NOL8: variants seen among roughly 807,000 people sequenced by gnomAD.
The protein encoded by NOL8 is nucleolar protein 8.
A neutral mutation model predicts 116.1 loss-of-function variants in NOL8; 93 were observed. That is an observed-to-expected ratio of 0.80 (90% CI 0.68 to 0.95). NOL8 has a LOEUF of 0.95. Ranked by LOEUF, NOL8 falls within the 40% of genes least tolerant of loss-of-function variation. The pLI is 0.00. For synonymous variants in NOL8, 419 were observed against 469.0 expected (o/e 0.89, Z 1.38); for missense variants, 1,291 against 1,382.8 (o/e 0.93, Z 1.05).
Position 92,301,776 on chromosome 9 carries a change from C to CA in NOL8, c.2949dup (p.Glu984Ter), listed in dbSNP as rs1405126906. The stretch of plus-strand genomic sequence containing the variant: ...TTATAATACATTTCTTTAGACACCT[C>CA]AGGTAGTTTCTCAGCTTCCTCCCTT... On this transcript the variant is annotated frameshift_variant, in exon 13 of 17. Coordinates refer to ENST00000442668, the MANE Select transcript of NOL8 (RefSeq NM_017948.6). LOFTEE classifies it high-confidence loss of function. The CA allele has an allele frequency of 1.9e-6, 3 of 1,601,194 alleles. No individual in the cohort carries two copies. The African/African-American group carries it at 4.0e-5, about 21-fold the overall frequency.
chr9:92,315,230 T>C lies in NOL8; in HGVS notation c.1395A>G (p.Leu465=), dbSNP rs1839265141. 2.5e-6 allele frequency: 4 copies of C among 1,613,910 alleles called. No homozygotes were observed. In the African/African-American group the frequency reaches 4.0e-5, roughly 16 times the overall value. The part of the protein sequence containing the change: ...SSEDADSASE[L]ADSEGGEEYN... ...ACTCCTCACCTCCTTCAGAGTCAGC[T>C]AATTCTGATGCAGAATCAGCATCTT... Residue 465 remains leucine, a synonymous_variant, in exon 7 of 17, where the codon TTA becomes TTG. Coordinates refer to ENST00000442668, the MANE Select transcript of NOL8 (RefSeq NM_017948.6).
chr9:92,299,763 ATAAAAT>A, intron 14 of NOL8, 121 bp downstream of exon 14: 1 of 1,048,512 alleles, frequency 9.5e-7, no homozygotes, highest in Non-Finnish European at 1.4e-6. Context: ...AAAAAAAAAA[ATAAAAT>A]AAAAAAAGAA....
rs763526930 is a variant in NOL8 at position 92,314,278 on chromosome 9, G to C, written c.2347C>G (p.Leu783Val). ...EVQKKLVHNA[L>V]ANLDGHPEDK... is the part of the protein sequence containing the mutation. The stretch of plus-strand genomic sequence containing the variant: ...GAAAATATACTCACCAAATTTGCCA[G>C]AGCATTATGCACCAGCTTCTTCTGC... The change falls in exon 7 of 17, where the codon CTG becomes GTG. Residue 783 changes from leucine (L) to valine (V), a missense_variant. Leu to Val is a conservative substitution (Grantham distance 32). Transcript: ENST00000442668. The C allele has an allele frequency of 1.3e-6, 2 of 1,567,380 alleles. No homozygotes were observed. Among genetic ancestry groups the C allele is most frequent in the Non-Finnish European group, 1.7e-6 (2 of 1,155,978 alleles).
chr9:92,300,459 A>G, intron 13 of NOL8: 1 of 988,296 alleles, frequency 1.0e-6, no homozygotes, highest in Non-Finnish European at 1.2e-6. Context: ...ACTTTTTGCT[A>G]GAACTGCTGG....
rs1393232535 is a variant in NOL8, at chr9:92,319,358, T to C, written c.282-2A>G. On this transcript the variant is annotated splice_acceptor_variant, in intron 4 of 16. Transcript: ENST00000442668. LOFTEE classifies it high-confidence loss of function. ...GCTGCTTCTCTCTCTTGGGCCAATCTGAATCAAAAAGAAAATACAAATAAA... is the reference window on the plus strand; with the variant it reads ...GCTGCTTCTCTCTCTTGGGCCAATCCGAATCAAAAAGAAAATACAAATAAA... 9.7e-6 allele frequency: 15 copies of C among 1,541,646 alleles called. No homozygotes were observed. The South Asian group carries it at 1.7e-4, about 18-fold the overall frequency.
At chr9:92,310,492 AAGGACT>A in intron 9 of NOL8, 55 bp downstream of exon 9, 3 of 1,538,366 alleles carry the variant, frequency 2.0e-6, no homozygotes, top group Non-Finnish European at 2.6e-6. Flanking sequence ...ACCCAGATTT[AAGGACT>A]ATGTCAAAAA....
At chr9:92,310,717 A>G in intron 8 of NOL8, 42 bp from the exon 9 acceptor site, 1 of 1,569,484 alleles carries the variant, frequency 6.4e-7, no homozygotes, top group Non-Finnish European at 8.6e-7. Flanking sequence ...GAGGCAAACA[A>G]GCAGTATTTC....
chr9:92,321,257 C>G (rs1464933496), intron 4 of NOL8, among the ~76,000 whole-genome samples: 1 of 152,076 alleles, frequency 6.6e-6, no homozygotes, highest in Non-Finnish European at 1.5e-5. Context: ...CATCTATGAC[C>G]ATGAAAAAGT....
At chr9:92,300,806 T>C (rs1408197322) in intron 13 of NOL8, 1 of 1,065,454 alleles carries the variant, frequency 9.4e-7, no homozygotes, top group South Asian at 2.3e-5. Flanking sequence ...TGACAGAGAC[T>C]CTGTCTCCAA....
In NOL8 at chr9:92,315,564, A is replaced by C; in HGVS notation, c.1061T>G (p.Leu354Ter). The C allele has an allele frequency of 1.9e-6, 3 of 1,612,596 alleles. No individual in the cohort carries two copies. Among genetic ancestry groups the C allele is most frequent in the Non-Finnish European group, 2.5e-6 (3 of 1,179,432 alleles). The change falls in exon 7 of 17, where the codon TTA becomes TGA. Residue 354 changes from leucine (L) to a stop codon, truncating the protein, a stop_gained. Transcript: ENST00000442668. LOFTEE classifies it high-confidence loss of function. The stretch of plus-strand genomic sequence containing the variant: ...GCAAGAGACACGATTTTTGATACCT[A>C]AACCTATTAAAGAATGCAGTTTGTG... ...GVHKLHSLIG[L>*]GIKNRVSCHD...
chr9:92,314,484 G>C lies in NOL8; in HGVS notation c.2141C>G (p.Ser714Ter). 1.2e-6 allele frequency: 2 copies of C among 1,613,200 alleles called. No individual in the cohort carries two copies. Among genetic ancestry groups the C allele is most frequent in the Non-Finnish European group, 1.7e-6 (2 of 1,179,282 alleles). Reference sequence around the variant, plus strand: ...TTTCTTGAGAGATGTGAGGCCGCTTGAATCAGACCGCTCTTCCTGTGAAGC... The same window carrying C: ...TTTCTTGAGAGATGTGAGGCCGCTTCAATCAGACCGCTCTTCCTGTGAAGC... The part of the protein sequence containing the change: ...TEASQEERSD[S>*]SGLTSLKKSP... The change falls in exon 7 of 17, where the codon TCA becomes TGA. Residue 714 changes from serine to a stop codon, truncating the protein, a stop_gained. Transcript: ENST00000442668. LOFTEE classifies it high-confidence loss of function.
rs756771874 is a variant in NOL8, at chr9:92,314,589, T to G, written c.2036A>C (p.Lys679Thr). 5.0e-6 allele frequency: 8 copies of G among 1,612,942 alleles called. No homozygotes were observed. The highest frequency in any genetic ancestry group is 3.3e-4 in the Middle Eastern group (2 of 6,060). The change falls in exon 7 of 17, where the codon AAG (lysine) becomes ACG (threonine). Residue 679 changes from lysine to threonine, a missense_variant. By Grantham distance (78) the Lys-to-Thr change is moderately conservative (BLOSUM62 -1). Coordinates refer to ENST00000442668, the MANE Select transcript of NOL8 (RefSeq NM_017948.6). ...KNPISRPLEG[K>T]KSLSLSAKTH... is the part of the protein sequence containing the mutation. ...CTTTGCACTAAGACTTAAGGACTTC[T>G]TACCTTCTAATGGCCTAGAAATAGG... is the stretch of plus-strand genomic sequence containing the variant.
intron 6 of NOL8, among the ~76,000 whole-genome samples, chr9:92,317,936 G>A (rs1459134457): frequency 1.3e-5 from 2 of 149,300 alleles, no homozygotes; most frequent in Non-Finnish European, 3.0e-5. Flanking sequence ...TTGGGAGGCT[G>A]AGGCAGGGGA....
chr9:92,313,898 T>A (rs1176007439), intron 7 of NOL8, among the ~76,000 whole-genome samples: 1 of 152,150 alleles, frequency 6.6e-6, no homozygotes, highest in Admixed American at 6.5e-5. Flanking sequence ...AAGATCACCA[T>A]CCTCATACTA....
chr9:92,299,196 T>G (rs1482364000), intron 14 of NOL8, among the ~76,000 whole-genome samples: 3 of 152,202 alleles, frequency 2.0e-5, no homozygotes, highest in African/African-American at 7.2e-5. Flanking sequence ...GCTTTGATAA[T>G]GAAGACTTGT....
chr9:92,307,205 G>T (rs1044212706), intron 10 of NOL8, among the ~76,000 whole-genome samples, 181 bp from the exon 11 acceptor site: 2 of 152,172 alleles, frequency 1.3e-5, no homozygotes, highest in Non-Finnish European at 2.9e-5. Flanking sequence ...AACTCAGAAA[G>T]TCTGCGTGAC....
intron 16 of NOL8, 54 bp from the exon 17 acceptor site, chr9:92,297,940 C>G: frequency 1.4e-6 from 2 of 1,426,216 alleles, no homozygotes; most frequent in Middle Eastern, 1.8e-4. Flanking sequence ...TTAAGATGTT[C>G]AGTAGATAGA....
chr9:92,318,719 T>C (rs760391527), intron 5 of NOL8, 33 bp from the exon 6 acceptor site: 118 of 1,362,968 alleles, frequency 8.7e-5, no homozygotes, highest in Admixed American at 1.4e-4. Context: ...ATTTACTATA[T>C]GTGACACAAA....
rs767301099 is a variant in NOL8 at position 92,315,805 on chromosome 9, C to T, written c.820G>A (p.Asp274Asn). 5.5e-5 allele frequency: 88 copies of T among 1,613,838 alleles called. No homozygotes were observed. Among genetic ancestry groups the T allele is most frequent in the Non-Finnish European group, 7.5e-5 (88 of 1,179,856 alleles). ...PSKSSPVPVS[D>N]TQKLKNLPFK... Reference sequence around the variant, plus strand: ...GGTAGATTTTTAAGTTTCTGAGTATCAGAAACAGGTACAGGAGATGATTTA... The same window carrying T: ...GGTAGATTTTTAAGTTTCTGAGTATTAGAAACAGGTACAGGAGATGATTTA... Residue 274 changes from aspartate (D) to asparagine (N), a missense_variant, in exon 7 of 17, where the codon GAT (aspartate) becomes AAT (asparagine). Physicochemically the swap from Asp to Asn is conservative, Grantham distance 23 (BLOSUM62 1). Coordinates refer to ENST00000442668, the MANE Select transcript of NOL8 (RefSeq NM_017948.6).
Sources: allele counts gnomAD v4.1 joint callset (sites outside exome capture counted in the v4.1 genomes callset), GRCh38; gene constraint gnomAD v4.1.1; transcripts MANE v1.5; gene names NCBI Gene and HGNC (gene_info 2026-07-23, HGNC 2026-07-21).